Variants in CADM2 observed in about 807,000 individuals in gnomAD.
CADM2 encodes the protein cell adhesion molecule 2.
Under a neutral mutation model 49.8 loss-of-function variants are expected in CADM2, and 12 were observed. That is an observed-to-expected ratio of 0.24 (90% CI 0.15 to 0.39). The LOEUF (loss-of-function observed/expected upper bound fraction) is 0.39, where lower values mean the gene tolerates loss of function less well. Among genes scored for constraint, CADM2 ranks in the 10% least tolerant of loss-of-function variants. CADM2 has a pLI of 1.00. For missense variants in CADM2, 378 were observed against 492.3 expected, an observed-to-expected ratio of 0.77 and a Z score of 2.20; for synonymous variants, 214 against 175.4, an observed-to-expected ratio of 1.22 and a Z score of -1.74.
intron 8 of CADM2, among the ~76,000 whole-genome samples, chr3:85,989,105 C>T (rs1728463190): frequency 6.6e-6 from 1 of 152,000 alleles, no homozygotes; most frequent in African/African-American, 2.4e-5. Flanking sequence ...ATTTTAAGCC[C>T]CATTCCTCCA....
intron 2 of CADM2, among the ~76,000 whole-genome samples, chr3:85,790,920 G>A (rs1659988681): frequency 6.6e-6 from 1 of 152,188 alleles, no homozygotes; most frequent in Non-Finnish European, 1.5e-5. Context: ...GGGCAGAATG[G>A]TGGCACAGAA....
intron 1 of CADM2, among the ~76,000 whole-genome samples, chr3:85,411,438 A>G (rs1283159059): frequency 1.3e-5 from 2 of 152,198 alleles, no homozygotes; most frequent in Non-Finnish European, 2.9e-5. Flanking sequence ...AGTTCAGTAT[A>G]CTTTAGTTTA....
At chr3:85,041,427 T>C (rs1005081967) in intron 1 of CADM2, among the ~76,000 whole-genome samples, 2 of 152,118 alleles carry the variant, frequency 1.3e-5, no homozygotes, top group African/African-American at 4.8e-5. Context: ...GGAGTAAGAA[T>C]AGGAGAAAGA....
At chr3:85,668,314 G>C (rs915112333) in intron 1 of CADM2, among the ~76,000 whole-genome samples, 1 of 99,990 alleles carries the variant, frequency 1.0e-5, no homozygotes, top group African/African-American at 4.4e-5. Flanking sequence ...AAAAAAAAAA[G>C]CAAACAAAAA....
intron 1 of CADM2, among the ~76,000 whole-genome samples, chr3:85,455,877 T>C (rs1247650157): frequency 1.3e-5 from 2 of 152,154 alleles, no homozygotes; most frequent in Admixed American, 6.5e-5. Flanking sequence ...GACATAGTGG[T>C]CAATCTCCAG....
intron 1 of CADM2, among the ~76,000 whole-genome samples, chr3:85,625,097 T>G (rs760242850): frequency 1.3e-5 from 2 of 152,118 alleles, no homozygotes; most frequent in Non-Finnish European, 2.9e-5. Flanking sequence ...ACTGACCATG[T>G]AAGATAGCTA....
chr3:85,828,979 C>T (rs1056674115), intron 3 of CADM2, among the ~76,000 whole-genome samples: 1 of 151,832 alleles, frequency 6.6e-6, no homozygotes, highest in Non-Finnish European at 1.5e-5. Context: ...TTTATCTGGG[C>T]TAAGTTGGGC....
At chr3:84,988,117 C>T (rs2032683951) in intron 1 of CADM2, among the ~76,000 whole-genome samples, 1 of 152,224 alleles carries the variant, frequency 6.6e-6, no homozygotes, top group Non-Finnish European at 1.5e-5. Context: ...ACCATTCAGC[C>T]AGAGCCAGAT....
At chr3:85,133,867 T>G (rs2039321687) in intron 1 of CADM2, among the ~76,000 whole-genome samples, 1 of 152,228 alleles carries the variant, frequency 6.6e-6, no homozygotes, top group East Asian at 1.9e-4. Flanking sequence ...CCCGCGCTCC[T>G]CAGCCCTTGG....
rs1327345093 is a variant in CADM2 at position 85,321,146 on chromosome 3, T to A, written c.61+361478T>A. Among the ~76,000 whole-genome samples the A allele has an allele frequency of 5.0e-4, 26 of 51,578 alleles. 2 individuals are homozygous for A. The highest frequency in any genetic ancestry group is 1.4e-3 in the East Asian group (2 of 1,452). The allele number at this position is 51,578 out of a possible 152,430, so 33.8% of individuals were successfully genotyped here. The stretch of plus-strand genomic sequence containing the variant: ...TTTTTTTTTTTTTTTTTTTTTTTTT[T>A]TTTTTTTTTTTTTTTTTTTTGCGAG... On this transcript the variant is annotated intron_variant, in intron 1 of 9. Coordinates refer to ENST00000383699, the MANE Select transcript of CADM2 (RefSeq NM_001167675.2).
chr3:85,033,131 G>A (rs1208823444), intron 1 of CADM2, among the ~76,000 whole-genome samples: 1 of 152,050 alleles, frequency 6.6e-6, no homozygotes, highest in Middle Eastern at 3.2e-3. Context: ...ATTCTTCTGT[G>A]CTATCATTTT....
At chr3:85,276,810 G>T (rs371609957) in intron 1 of CADM2, among the ~76,000 whole-genome samples, 7 of 151,320 alleles carry the variant, frequency 4.6e-5, no homozygotes, top group East Asian at 3.9e-4. Context: ...TTATGCCCAG[G>T]GATATTGGAC....
chr3:85,227,992 T>G (rs1201678070), intron 1 of CADM2, among the ~76,000 whole-genome samples: 1 of 151,844 alleles, frequency 6.6e-6, no homozygotes, highest in East Asian at 1.9e-4. Context: ...ATAGAGTTTC[T>G]GCTGTTGTTC....
rs938744964 is a variant in CADM2 at position 85,398,931 on chromosome 3, A to T, written c.62-327591A>T. On this transcript the variant is annotated intron_variant, in intron 1 of 9. Transcript: ENST00000383699. Reference sequence around the variant, plus strand: ...TTTGTCAGATGAGTAGATTGCAAAAATTTTCTCCCATTCTGTAGACTGCCT... The same window carrying T: ...TTTGTCAGATGAGTAGATTGCAAAATTTTTCTCCCATTCTGTAGACTGCCT... Among the ~76,000 whole-genome samples the T allele has an allele frequency of 9.2e-5, 14 of 151,916 alleles. No individual in the cohort carries two copies. In the South Asian group the frequency reaches 1.9e-3, roughly 20 times the overall value.
chr3:85,998,952 G>A (rs1008969592), intron 8 of CADM2, among the ~76,000 whole-genome samples: 5 of 152,112 alleles, frequency 3.3e-5, no homozygotes, highest in African/African-American at 1.2e-4. Flanking sequence ...ACTGATGCTA[G>A]GATTTTAGCT....
At chr3:85,921,457 CA>C (rs1719104074) in intron 6 of CADM2, among the ~76,000 whole-genome samples, 1 of 151,916 alleles carries the variant, frequency 6.6e-6, no homozygotes. Flanking sequence ...TATTTACCAT[CA>C]GGTCCAATAG....
intron 1 of CADM2, among the ~76,000 whole-genome samples, chr3:85,100,991 C>T (rs2037989231): frequency 6.6e-6 from 1 of 152,150 alleles, no homozygotes; most frequent in African/African-American, 2.4e-5. Context: ...TGTGGTGGCT[C>T]ACGACTGTAA....
intron 7 of CADM2, among the ~76,000 whole-genome samples, chr3:85,940,529 A>G (rs1455279987): frequency 6.6e-6 from 1 of 152,148 alleles, no homozygotes; most frequent in Non-Finnish European, 1.5e-5. Flanking sequence ...CCAAAATAAG[A>G]TAAAATATGT....
chr3:85,893,969 C>T (rs1365759528), intron 5 of CADM2, among the ~76,000 whole-genome samples: 1 of 152,190 alleles, frequency 6.6e-6, no homozygotes, highest in African/African-American at 2.4e-5. Context: ...ACTGGAAATA[C>T]CATTTGAGCC....
Sources: allele counts gnomAD v4.1 joint callset (sites outside exome capture counted in the v4.1 genomes callset), GRCh38; gene constraint gnomAD v4.1.1; transcripts MANE v1.5; gene names NCBI Gene and HGNC (gene_info 2026-07-23, HGNC 2026-07-21).